Variants in NOTCH1 observed in about 807,000 individuals in gnomAD.
The protein encoded by NOTCH1 is neurogenic locus notch homolog protein 1.
In NOTCH1, 37 loss-of-function variants were observed where a neutral mutation model predicts 254.8. The ratio of observed to expected loss-of-function variants is 0.15; its 90% CI spans 0.11 to 0.19. NOTCH1 has a LOEUF of 0.19. Among genes scored for constraint, NOTCH1 ranks in the 10% least tolerant of loss-of-function variants. The pLI, the probability that NOTCH1 is intolerant of heterozygous loss-of-function variation, is 1.00. For synonymous variants in NOTCH1, 1,731 were observed against 1,618.1 expected (o/e 1.07, Z -1.68); for missense variants, 2,972 against 3,708.6 (o/e 0.80, Z 5.16).
In NOTCH1 at chr9:136,513,654, C is replaced by A; in HGVS notation, c.2208-117G>T. On this transcript the variant is annotated intron_variant, in intron 13 of 33. Transcript: ENST00000651671. The surrounding 1 kb of genome is among the most constrained non-coding windows in gnomAD (Gnocchi z 4.7). Reference sequence around the variant, plus strand: ...GCGGAGGTGCCCATCCACTCAGACTCGCAGAGTCCTTTAGTGGGGGCAGGC... The same window carrying A: ...GCGGAGGTGCCCATCCACTCAGACTAGCAGAGTCCTTTAGTGGGGGCAGGC... The A allele has an allele frequency of 8.5e-7, 1 of 1,181,020 alleles. No individual in the cohort carries two copies. The allele number at this position is 1,181,020 out of a possible 1,614,324, so 73.2% of individuals were successfully genotyped here.
At chr9:136,533,588 G>A (rs776432592) in intron 2 of NOTCH1, among the ~76,000 whole-genome samples, 4 of 152,316 alleles carry the variant, frequency 2.6e-5, no homozygotes, top group East Asian at 1.9e-4. Flanking sequence ...TGCCTGCCAC[G>A]GCCACAGCAG....
chr9:136,503,015 G>A, intron 27 of NOTCH1, 167 bp downstream of exon 27: 1 of 980,580 alleles, frequency 1.0e-6, no homozygotes, highest in Non-Finnish European at 1.6e-6. Flanking sequence ...CGCCGCAGGT[G>A]GGGGCGGAGT....
rs377648586 is a variant in NOTCH1, at chr9:136,508,150, T to G, written c.3326-11A>C. The G allele has an allele frequency of 4.3e-4, 687 of 1,607,922 alleles. 2 individuals carry two copies. Among genetic ancestry groups the G allele is most frequent in the Admixed American group, 1.7e-3 (101 of 59,984 alleles). On this transcript the variant is annotated splice_polypyrimidine_tract_variant and intron_variant, in intron 20 of 33. Coordinates refer to ENST00000651671, the MANE Select transcript of NOTCH1 (RefSeq NM_017617.5). ...GGGCAACGTCAACACCTGCGGGGGA[T>G]GGGGTGGTAGACAGGTGAGGCCCAG...
At chr9:136,520,549 C>T (rs1843350468) in intron 4 of NOTCH1, among the ~76,000 whole-genome samples, 1 of 152,102 alleles carries the variant, frequency 6.6e-6, no homozygotes, top group African/African-American at 2.4e-5. Flanking sequence ...GCCTGGACAA[C>T]ATGGCGAAAC....
chr9:136,525,778 G>C (rs999611487), intron 2 of NOTCH1, among the ~76,000 whole-genome samples: 1 of 152,244 alleles, frequency 6.6e-6, no homozygotes, highest in Non-Finnish European at 1.5e-5. Context: ...TGGAGGCTGG[G>C]GGTGGGGGTT....
intron 28 of NOTCH1, 56 bp downstream of exon 28, chr9:136,502,216 T>C (rs1589056525): frequency 6.5e-7 from 1 of 1,545,818 alleles, no homozygotes; most frequent in Non-Finnish European, 8.8e-7. Context: ...GTGAGGATGC[T>C]CGGCCAGGTC....
chr9:136,516,811 T>A (rs1431274795), intron 9 of NOTCH1, among the ~76,000 whole-genome samples: 1 of 152,054 alleles, frequency 6.6e-6, no homozygotes, highest in Non-Finnish European at 1.5e-5. Flanking sequence ...CACTCCCCAC[T>A]GGGCCCTGCC....
intron 2 of NOTCH1, among the ~76,000 whole-genome samples, chr9:136,529,421 C>T (rs1843523764): frequency 6.6e-6 from 1 of 152,214 alleles, no homozygotes; most frequent in South Asian, 2.1e-4. Flanking sequence ...CCAGTGGGCA[C>T]CACCCACCTT....
chr9:136,497,109 C>T lies in NOTCH1; in HGVS notation c.6630G>A (p.Leu2210=), dbSNP rs1589053186. The change falls in exon 34 of 34, where the codon CTG becomes CTA. Residue 2210 remains leucine (L), a synonymous_variant. Coordinates refer to ENST00000651671, the MANE Select transcript of NOTCH1 (RefSeq NM_017617.5). ...VDSLESPHGY[L]SDVASPPLLP... ...GCAGTGGCGGCGAGGCCACGTCTGA[C>T]AGGTAGCCATGGGGTGACTCCAGGG... The T allele has an allele frequency of 1.2e-6, 2 of 1,611,372 alleles. No individual in the cohort carries two copies. The highest frequency in any genetic ancestry group is 2.2e-5 in the East Asian group (1 of 44,840).
chr9:136,519,407 C>T (rs1181482147), intron 5 of NOTCH1, 36 bp downstream of exon 5: 9 of 1,611,330 alleles, frequency 5.6e-6, no homozygotes, highest in Non-Finnish European at 7.6e-6. Context: ...CAGCCCCGCC[C>T]CGGCTACCCC....
At chr9:136,510,830 G>C in intron 16 of NOTCH1, 25 bp from the exon 17 acceptor site, 1 of 1,604,926 alleles carries the variant, frequency 6.2e-7, no homozygotes, top group Non-Finnish European at 8.5e-7. Flanking sequence ...GAGGCCGGTT[G>C]GTCACCAGCG....
At chr9:136,538,773 C>T (rs1040529105) in intron 2 of NOTCH1, among the ~76,000 whole-genome samples, 4 of 152,234 alleles carry the variant, frequency 2.6e-5, no homozygotes, top group East Asian at 3.8e-4. Flanking sequence ...GGAGGGTGGG[C>T]GGCCGTCTGC....
rs199663773 is a variant in NOTCH1, at chr9:136,502,590, C to T, written c.5168-102G>A. Reference sequence around the variant, plus strand: ...GCGGACTGGCTCCGCGTCCGGGCGCCTCCTCACCCACTCTCCTCCATCCCG... The same window carrying T: ...GCGGACTGGCTCCGCGTCCGGGCGCTTCCTCACCCACTCTCCTCCATCCCG... On this transcript the variant is annotated intron_variant, in intron 27 of 33. Coordinates refer to ENST00000651671, the MANE Select transcript of NOTCH1 (RefSeq NM_017617.5). 39 of 663,468 alleles carry T rather than the reference C, an allele frequency of 5.9e-5. No homozygotes were observed. The East Asian group carries it at 1.2e-3, about 20-fold the overall frequency. 41.1% of individuals were successfully genotyped at this position (663,468 alleles called of 1,614,324 possible). A position where few individuals can be genotyped will look rare whatever the true frequency, so the allele number is the denominator to read the frequency against.
At chr9:136,510,945 A>G in intron 16 of NOTCH1, 140 bp from the exon 17 acceptor site, 1 of 1,386,532 alleles carries the variant, frequency 7.2e-7, no homozygotes, top group Non-Finnish European at 9.9e-7. Context: ...CCTCTCCCCT[A>G]ATTTTGGCCT....
chr9:136,498,138 G>A (rs935504957), intron 33 of NOTCH1, among the ~76,000 whole-genome samples: 9 of 152,036 alleles, frequency 5.9e-5, no homozygotes, highest in African/African-American at 1.9e-4. Flanking sequence ...ACTGGGGAGC[G>A]CCTGGGCCAA....
In NOTCH1 at chr9:136,519,409, G is replaced by A. The variant is rs746461143; in HGVS notation, c.865+34C>T. 20 of 1,611,226 alleles carry A rather than the reference G, an allele frequency of 1.2e-5. 1 individual carries two copies. The East Asian group carries it at 1.6e-4, about 13-fold the overall frequency. ...AGTAAGTGGGTAGCAGCCCCGCCCCGGCTACCCCGCCCTGCGGCGACCCGT... is the reference window on the plus strand; with the variant it reads ...AGTAAGTGGGTAGCAGCCCCGCCCCAGCTACCCCGCCCTGCGGCGACCCGT... On this transcript the variant is annotated intron_variant, in intron 5 of 33. Transcript: ENST00000651671.
rs968214896 is a variant in NOTCH1, at chr9:136,545,960, G to T, written c.-174C>A. Among the ~76,000 whole-genome samples, 178 of 147,906 alleles carry T rather than the reference G, an allele frequency of 1.2e-3. 2 individuals are homozygous for T. The highest frequency in any genetic ancestry group is 4.2e-3 in the African/African-American group (170 of 40,936). On this transcript the variant is annotated 5_prime_UTR_variant, in exon 1 of 34. Transcript: ENST00000651671. This position sits in a 1 kb window ranked among gnomAD's most constrained non-coding sequence, Gnocchi z 6.8. ...CGCAGGCCCCCGGGCCCGGCTCCGC[G>T]CCCGGCTCGTTCCTTCGCTGCGCTC... is the stretch of plus-strand genomic sequence containing the variant.
rs1340525787 is a variant in NOTCH1, at chr9:136,506,450, C to T, written c.4014+77G>A. ...GCCGGGAGGATCACTGCCCGGTCTG[C>T]GCCCCGAGGCCCCCACGTGGACCTC... On this transcript the variant is annotated intron_variant, in intron 24 of 33. Coordinates refer to ENST00000651671, the MANE Select transcript of NOTCH1 (RefSeq NM_017617.5). The surrounding 1 kb of genome is among the most constrained non-coding windows in gnomAD (Gnocchi z 4.5). The T allele has an allele frequency of 2.3e-5, 30 of 1,290,448 alleles. No individual in the cohort carries two copies. The highest frequency in any genetic ancestry group is 2.9e-5 in the African/African-American group (2 of 68,024). 79.9% of individuals were successfully genotyped at this position (1,290,448 alleles called of 1,614,324 possible). A position where few individuals can be genotyped will look rare whatever the true frequency, so the allele number is the denominator to read the frequency against.
intron 2 of NOTCH1, among the ~76,000 whole-genome samples, chr9:136,530,587 GC>G (rs67749792): frequency 0.51 from 77,731 of 151,978 alleles, 20,809 homozygotes; most frequent in African/African-American, 0.67. Flanking sequence ...TCACCAAAGT[GC>G]CCCCGCAGGC....
Sources: allele counts gnomAD v4.1 joint callset (sites outside exome capture counted in the v4.1 genomes callset), GRCh38; gene constraint gnomAD v4.1.1; non-coding constraint Gnocchi (gnomAD v3.1); transcripts MANE v1.5; gene names NCBI Gene and HGNC (gene_info 2026-07-23, HGNC 2026-07-21).